The following SEMA3A variants were observed in gnomAD, a reference collection of about 807,000 sequenced individuals.
The protein encoded by SEMA3A is semaphorin-3A.
Under a neutral mutation model 97.9 loss-of-function variants are expected in SEMA3A, and 29 were observed. The observed-to-expected ratio is 0.30, with a 90% CI of 0.22 to 0.40. The LOEUF is 0.40. Among genes scored for constraint, SEMA3A ranks in the 10% least tolerant of loss-of-function variants. The pLI, the probability that SEMA3A is intolerant of heterozygous loss-of-function variation, is 1.00. For missense variants in SEMA3A, 763 were observed against 951.3 expected, an observed-to-expected ratio of 0.80 and a Z score of 2.60; for synonymous variants, 321 against 323.7, an observed-to-expected ratio of 0.99 and a Z score of 0.09.
chr7:84,399,540 G>A (rs76250966), intron 1 of SEMA3A, among the ~76,000 whole-genome samples: 1,780 of 152,040 alleles, frequency 0.012, 21 homozygotes, highest in Non-Finnish European at 0.018. Flanking sequence ...AAAGAGTGAA[G>A]AATACAGAGG....
intron 7 of SEMA3A, among the ~76,000 whole-genome samples, chr7:84,011,845 T>C (rs1400469862): frequency 6.6e-6 from 1 of 152,180 alleles, no homozygotes; most frequent in Non-Finnish European, 1.5e-5. Context: ...AAAATCAACA[T>C]TGTTTTGTAC....
At chr7:84,325,722 ATATT>A (rs1024616001) in intron 2 of SEMA3A, among the ~76,000 whole-genome samples, 3 of 152,234 alleles carry the variant, frequency 2.0e-5, no homozygotes, top group South Asian at 2.1e-4. Context: ...AGATAATAAA[ATATT>A]TAATTAGCCA....
At chr7:84,219,364 A>G (rs2074407861) in intron 3 of SEMA3A, among the ~76,000 whole-genome samples, 1 of 152,026 alleles carries the variant, frequency 6.6e-6, no homozygotes, top group African/African-American at 2.4e-5. Context: ...ATGTAGATCT[A>G]CAGAGATCTT....
rs1490279463 is a variant in SEMA3A at position 84,312,583 on chromosome 7, A to G, written c.-168-5291T>C. 9.2e-5 allele frequency among the ~76,000 whole-genome samples: 14 copies of G among 151,412 alleles called. 1 individual carries two copies. Among genetic ancestry groups the G allele is most frequent in the African/African-American group, 1.4e-4 (6 of 41,410 alleles). ...TTTATAATATATACACATTATTTAC[A>G]TGTATATATACCTTATGAAACATAC... On this transcript the variant is annotated intron_variant, in intron 2 of 3. Transcript: ENST00000424555.
rs185337050 is a variant in SEMA3A, at chr7:84,055,412, C to T, written c.547+5053G>A. Among the ~76,000 whole-genome samples, 184 of 152,274 alleles carry T rather than the reference C, an allele frequency of 1.2e-3. 2 individuals are homozygous for T. Among genetic ancestry groups the T allele is most frequent in the African/African-American group, 4.2e-3 (174 of 41,564 alleles). On this transcript the variant is annotated intron_variant, in intron 5 of 16. Transcript: ENST00000265362. ...TGTGGGATATAGTCTCCTGGTGCGC[C>T]GTTTTTTAAGCCCGTCGGAAAAGGG...
rs1026603847 is a variant in SEMA3A, at chr7:84,152,630, C to T, written c.113-17679G>A. Among the ~76,000 whole-genome samples, 7 of 147,862 alleles carry T rather than the reference C, an allele frequency of 4.7e-5. No individual in the cohort carries two copies. In the East Asian group the frequency reaches 1.2e-3, roughly 26 times the overall value. The stretch of plus-strand genomic sequence containing the variant: ...GTGGGTGCAGCACACCAGCATGGCA[C>T]ATGTATACGTATGTAACTAACCTGC... On this transcript the variant is annotated intron_variant, in intron 1 of 16. Transcript: ENST00000265362.
chr7:84,371,685 T>C (rs2116103411), intron 2 of SEMA3A: 1 of 152,086 alleles, frequency 6.6e-6, no homozygotes, highest in South Asian at 2.1e-4. Context: ...ACTTTGCTTT[T>C]AGGTTGTTAT....
At chr7:84,037,209 A>G (rs537449187) in intron 6 of SEMA3A, among the ~76,000 whole-genome samples, 2 of 152,036 alleles carry the variant, frequency 1.3e-5, no homozygotes, top group East Asian at 3.9e-4. Flanking sequence ...ACCCTACAGA[A>G]TATGTAATAA....
chr7:84,268,999 T>G (rs1800078877), intron 3 of SEMA3A, among the ~76,000 whole-genome samples: 1 of 152,142 alleles, frequency 6.6e-6, no homozygotes, highest in South Asian at 2.1e-4. Context: ...GAAGAAAGCT[T>G]TCATTACTGT....
intron 1 of SEMA3A, among the ~76,000 whole-genome samples, chr7:84,463,495 A>T (rs534847976): frequency 1.3e-5 from 2 of 151,790 alleles, no homozygotes; most frequent in Non-Finnish European, 1.5e-5. Context: ...TGATCCGCCC[A>T]CCTTGGCCTC....
At chr7:84,478,751 T>G (rs1321393768) in intron 1 of SEMA3A, among the ~76,000 whole-genome samples, 2 of 152,010 alleles carry the variant, frequency 1.3e-5, no homozygotes, top group African/African-American at 2.4e-5. Flanking sequence ...TGTTATAATT[T>G]GACATTAGTT....
intron 1 of SEMA3A, among the ~76,000 whole-genome samples, chr7:84,147,247 T>G (rs1796489623): frequency 1.3e-5 from 2 of 152,210 alleles, no homozygotes; most frequent in African/African-American, 4.8e-5. Flanking sequence ...ATGAGGCATT[T>G]TTAAAACTAC....
chr7:84,322,847 C>T (rs1473255404), intron 2 of SEMA3A, among the ~76,000 whole-genome samples: 1 of 152,150 alleles, frequency 6.6e-6, no homozygotes, highest in East Asian at 1.9e-4. Flanking sequence ...TCCATACAGG[C>T]TTCCTGAAGG....
intron 1 of SEMA3A, among the ~76,000 whole-genome samples, chr7:84,454,780 T>C (rs1805646882): frequency 9.7e-6 from 1 of 102,720 alleles, no homozygotes; most frequent in Admixed American, 1.2e-4. Context: ...GATCAAAACT[T>C]AGACAATATT....
At chr7:84,145,435 T>C (rs1373597694) in intron 1 of SEMA3A, among the ~76,000 whole-genome samples, 2 of 152,028 alleles carry the variant, frequency 1.3e-5, no homozygotes, top group Non-Finnish European at 2.9e-5. Context: ...CAACAAAAAT[T>C]TAGAAAAAGT....
At chr7:84,454,405 C>T (rs537001220) in intron 1 of SEMA3A, among the ~76,000 whole-genome samples, 1 of 152,230 alleles carries the variant, frequency 6.6e-6, no homozygotes, top group East Asian at 1.9e-4. Context: ...TTTTTCCATG[C>T]ACTTTCTTTC....
chr7:84,260,190 G>C (rs975237732), intron 3 of SEMA3A, among the ~76,000 whole-genome samples: 1 of 152,002 alleles, frequency 6.6e-6, no homozygotes, highest in African/African-American at 2.4e-5. Context: ...GAGCTTCATA[G>C]AACAAAATAA....
intron 9 of SEMA3A, among the ~76,000 whole-genome samples, chr7:84,008,601 A>G (rs1226912823): frequency 6.6e-6 from 1 of 151,530 alleles, no homozygotes; most frequent in Non-Finnish European, 1.5e-5. Context: ...TGCACATTTA[A>G]AATATGGAAT....
At chr7:84,280,455 T>C (rs890694571) in intron 3 of SEMA3A, among the ~76,000 whole-genome samples, 3 of 152,042 alleles carry the variant, frequency 2.0e-5, no homozygotes, top group Admixed American at 1.3e-4. Context: ...ATGTAAGAAA[T>C]CCTTTGTTCC....
Sources: allele counts gnomAD v4.1 joint callset (sites outside exome capture counted in the v4.1 genomes callset), GRCh38; gene constraint gnomAD v4.1.1; transcripts MANE v1.5; gene names NCBI Gene and HGNC (gene_info 2026-07-23, HGNC 2026-07-21).